Variants in KCNK12 observed in about 807,000 individuals in gnomAD.
The protein encoded by KCNK12 is potassium two pore domain channel subfamily K member 12, also known as potassium channel subfamily K member 12.
A neutral mutation model predicts 25.3 loss-of-function variants in KCNK12; 6 were observed. The ratio of observed to expected loss-of-function variants is 0.24; its 90% confidence interval spans 0.13 to 0.47. KCNK12 has a LOEUF of 0.47. Ranked by LOEUF, KCNK12 falls within the 20% of genes least tolerant of loss-of-function variation. KCNK12 has a pLI of 0.99. For missense variants in KCNK12, 444 were observed against 661.7 expected (o/e 0.67, Z 3.61); for synonymous variants, 331 against 311.1 (o/e 1.06, Z -0.67).
rs928772821 is a variant in KCNK12 at position 47,525,050 on chromosome 2, T to C, written c.392-3242A>G. Among the ~76,000 whole-genome samples the C allele has an allele frequency of 2.4e-4, 36 of 151,408 alleles. No homozygotes were observed. The highest frequency in any genetic ancestry group is 2.3e-3 in the Admixed American group (35 of 15,258). ...CCAATACTTTGTCTAACTAAGAAAA[T>C]ACTGAATTGGATTTTTCAGCTAAAG... On this transcript the variant is annotated intron_variant, in intron 1 of 1. Transcript: ENST00000327876. The surrounding 1 kb of genome is among the most constrained non-coding windows in gnomAD (Gnocchi z 4.1).
rs1668748457 is a variant in KCNK12 at position 47,525,420 on chromosome 2, TACCCA to T, written c.392-3617_392-3613del. Among the ~76,000 whole-genome samples, 1 of 152,186 alleles carries T rather than the reference TACCCA, an allele frequency of 6.6e-6. No individual in the cohort carries two copies. Among genetic ancestry groups the T allele is most frequent in the African/African-American group, 2.4e-5 (1 of 41,440 alleles). On this transcript the variant is annotated intron_variant, in intron 1 of 1. Transcript: ENST00000327876. The surrounding 1 kb of genome is among the most constrained non-coding windows in gnomAD (Gnocchi z 4.1). Reference sequence around the variant, plus strand: ...GGCTGGGCACAGCCGCTCACAGGCCTACCCAGAGTGGAGCATGGTGAGGGTTCTGG... The same window carrying T: ...GGCTGGGCACAGCCGCTCACAGGCCTGAGTGGAGCATGGTGAGGGTTCTGG...
intron 1 of KCNK12, among the ~76,000 whole-genome samples, chr2:47,561,490 C>G (rs765473380): frequency 2.6e-5 from 4 of 152,164 alleles, no homozygotes; most frequent in Non-Finnish European, 5.9e-5. Flanking sequence ...TGCCACACAG[C>G]AGGGGGGCTG....
chr2:47,543,748 A>T (rs1669252330), intron 1 of KCNK12: 3 of 152,288 alleles, frequency 2.0e-5, no homozygotes, highest in African/African-American at 7.2e-5. Flanking sequence ...CAAGCTCGGG[A>T]TGGGGGATGG....
chr2:47,541,321 T>TA (rs1473656387), intron 1 of KCNK12, among the ~76,000 whole-genome samples: 5 of 152,220 alleles, frequency 3.3e-5, no homozygotes, highest in South Asian at 4.1e-4. Flanking sequence ...TTTCAGCACT[T>TA]ACATTCATTC....
rs186523462 is a variant in KCNK12, at chr2:47,550,313, A to G, written c.391+19628T>C. ...CTTGTTGAAAGTCAGGAATGAAGAG[A>G]AATCTTAACAGCAGCCAAAGAAAGG... On this transcript the variant is annotated intron_variant, in intron 1 of 1. Coordinates refer to ENST00000327876, the MANE Select transcript of KCNK12 (RefSeq NM_022055.2). Among the ~76,000 whole-genome samples, 43 of 152,272 alleles carry G rather than the reference A, an allele frequency of 2.8e-4. 1 individual carries two copies. In the East Asian group the frequency reaches 8.3e-3, roughly 29 times the overall value.
At chr2:47,558,407 A>T (rs929234129) in intron 1 of KCNK12, among the ~76,000 whole-genome samples, 1 of 152,216 alleles carries the variant, frequency 6.6e-6, no homozygotes, top group African/African-American at 2.4e-5. Flanking sequence ...AGACCTTCAG[A>T]ATTAGCTCCC....
At position 47,514,955 on chromosome 2, in the gene KCNK12, A is replaced by T. The variant is rs1208770574; in HGVS notation, c.*5952T>A. Among the ~76,000 whole-genome samples the T allele has an allele frequency of 6.6e-6, 1 of 152,204 alleles. No homozygotes were observed. Among genetic ancestry groups the T allele is most frequent in the Non-Finnish European group, 1.5e-5 (1 of 68,040 alleles). ...TCTGCTTGTTAGATACACTCATAGAAAGGTAACTGGCCACAGAAGGGAGAG... is the reference window on the plus strand; with the variant it reads ...TCTGCTTGTTAGATACACTCATAGATAGGTAACTGGCCACAGAAGGGAGAG... On this transcript the variant is annotated 3_prime_UTR_variant, in exon 2 of 2. Transcript: ENST00000327876. The surrounding 1 kb of genome is among the most constrained non-coding windows in gnomAD (Gnocchi z 5.0).
rs1372382640 is a variant in KCNK12, at chr2:47,547,688, C to CTT, written c.391+22252_391+22253insAA. On this transcript the variant is annotated intron_variant, in intron 1 of 1. Coordinates refer to ENST00000327876, the MANE Select transcript of KCNK12 (RefSeq NM_022055.2). The surrounding 1 kb of genome is among the most constrained non-coding windows in gnomAD (Gnocchi z 5.0). ...TCTTGACTCACAGCAACCTCTGCCT[C>CTT]CCTGTTTCAAGCGAGTCTCCTGCCT... Among the ~76,000 whole-genome samples the CTT allele has an allele frequency of 6.6e-6, 1 of 152,170 alleles. No homozygotes were observed. The highest frequency in any genetic ancestry group is 2.4e-5 in the African/African-American group (1 of 41,446).
Position 47,538,240 on chromosome 2 carries a change from A to G in KCNK12, c.392-16432T>C, listed in dbSNP as rs1304414025. Among the ~76,000 whole-genome samples, 1 of 152,186 alleles carries G rather than the reference A, an allele frequency of 6.6e-6. No individual in the cohort carries two copies. The highest frequency in any genetic ancestry group is 6.5e-5 in the Admixed American group (1 of 15,280). ...GGAGATGGAATAATAAACTACAAAC[A>G]ATTACGTGGCCTGTGAGAAAGTGGC... On this transcript the variant is annotated intron_variant, in intron 1 of 1. Transcript: ENST00000327876. This position sits in a 1 kb window ranked among gnomAD's most constrained non-coding sequence, Gnocchi z 4.5.
chr2:47,534,718 C>G (rs1166239798), intron 1 of KCNK12, among the ~76,000 whole-genome samples: 1 of 152,072 alleles, frequency 6.6e-6, no homozygotes, highest in Non-Finnish European at 1.5e-5. Flanking sequence ...TCAGGGCGCT[C>G]ATGTGGGGCT....
At chr2:47,568,473 C>T (rs1643245916) in intron 1 of KCNK12, among the ~76,000 whole-genome samples, 1 of 152,080 alleles carries the variant, frequency 6.6e-6, no homozygotes, top group Admixed American at 6.5e-5. Flanking sequence ...GCCATATTTG[C>T]CTTTTCTATT....
intron 1 of KCNK12, among the ~76,000 whole-genome samples, chr2:47,541,291 T>C (rs930762605): frequency 2.0e-5 from 3 of 152,232 alleles, no homozygotes; most frequent in South Asian, 2.1e-4. Flanking sequence ...CTCTTAGAGT[T>C]TGTGGTTCAG....
chr2:47,528,031 C>T lies in KCNK12; in HGVS notation c.392-6223G>A, dbSNP rs537349575. On this transcript the variant is annotated intron_variant, in intron 1 of 1. Coordinates refer to ENST00000327876, the MANE Select transcript of KCNK12 (RefSeq NM_022055.2). The surrounding 1 kb of genome is among the most constrained non-coding windows in gnomAD (Gnocchi z 4.5). ...CAGCAGGCTCACCTCTGGGACAGGG[C>T]GCATATAGTCTGGGCCAGAACTTGT... Among the ~76,000 whole-genome samples, 15 of 152,250 alleles carry T rather than the reference C, an allele frequency of 9.9e-5. No homozygotes were observed. Among genetic ancestry groups the T allele is most frequent in the African/African-American group, 3.4e-4 (14 of 41,540 alleles).
intron 1 of KCNK12, among the ~76,000 whole-genome samples, chr2:47,559,186 CAG>C (rs942984807): frequency 6.6e-6 from 1 of 152,198 alleles, no homozygotes; most frequent in African/African-American, 2.4e-5. Context: ...CCAGCTGACT[CAG>C]AGAGCCATGG....
rs1033679496 is a variant in KCNK12, at chr2:47,569,666, G to C, written c.391+275C>G. ...ACGTATTCTTAGAGGAGAAAACGGA[G>C]GCTCACAAAGGTCAGATCACAGAGC... On this transcript the variant is annotated intron_variant, in intron 1 of 1. Transcript: ENST00000327876. The surrounding 1 kb of genome is among the most constrained non-coding windows in gnomAD (Gnocchi z 4.1). Among the ~76,000 whole-genome samples the C allele has an allele frequency of 4.6e-5, 7 of 152,170 alleles. No individual in the cohort carries two copies. The highest frequency in any genetic ancestry group is 1.7e-4 in the African/African-American group (7 of 41,452).
intron 1 of KCNK12, among the ~76,000 whole-genome samples, chr2:47,524,063 T>C (rs999012769): frequency 2.0e-5 from 3 of 152,174 alleles, no homozygotes; most frequent in Non-Finnish European, 4.4e-5. Context: ...TTACGCTTAA[T>C]GACTCAGGTG....
chr2:47,557,241 TG>T lies in KCNK12; in HGVS notation c.391+12699del, dbSNP rs1351678125. ...GGTTCTGTTCTCATGAATGGATTAA[TG>T]TCATCATCACTGGAGTGGGTTGGTT... On this transcript the variant is annotated intron_variant, in intron 1 of 1. Transcript: ENST00000327876. The surrounding 1 kb of genome is among the most constrained non-coding windows in gnomAD (Gnocchi z 4.9). Among the ~76,000 whole-genome samples the T allele has an allele frequency of 6.6e-6, 1 of 152,186 alleles. No individual in the cohort carries two copies. The highest frequency in any genetic ancestry group is 1.5e-5 in the Non-Finnish European group (1 of 68,026).
Position 47,512,238 on chromosome 2 carries a change from T to A in KCNK12, c.*8669A>T. 6.3e-7 allele frequency: 1 copy of A among 1,586,924 alleles called. No homozygotes were observed. Among genetic ancestry groups the A allele is most frequent in the Non-Finnish European group, 8.6e-7 (1 of 1,164,352 alleles). On this transcript the variant is annotated 3_prime_UTR_variant, in exon 2 of 2. Coordinates refer to ENST00000327876, the MANE Select transcript of KCNK12 (RefSeq NM_022055.2). ...AGGTACTCTGCAGATGTTTGCTGAG[T>A]ATCGTTCTTGATGGAAATCCCCGTG...
At chr2:47,558,131 T>C (rs1397349657) in intron 1 of KCNK12, among the ~76,000 whole-genome samples, 1 of 152,236 alleles carries the variant, frequency 6.6e-6, no homozygotes, top group African/African-American at 2.4e-5. Context: ...TGAAAATATT[T>C]CTGTAGCCCC....
Sources: allele counts gnomAD v4.1 joint callset (sites outside exome capture counted in the v4.1 genomes callset), GRCh38; gene constraint gnomAD v4.1.1; non-coding constraint Gnocchi (gnomAD v3.1); transcripts MANE v1.5; gene names NCBI Gene and HGNC (gene_info 2026-07-23, HGNC 2026-07-21).